IFNG-AS1: variants seen among roughly 807,000 people sequenced by gnomAD.
IFNG-AS1 encodes the protein IFNG antisense RNA 1 (non-protein coding).
chr12:68,007,790 G>A (rs1234200634), intron 3 of IFNG-AS1, among the ~76,000 whole-genome samples: 2 of 152,188 alleles, frequency 1.3e-5, no homozygotes, highest in East Asian at 1.9e-4. Flanking sequence ...TAGAAAGACA[G>A]AAGAATAGGA....
chr12:67,993,566 G>A (rs2906854), intron 1 of IFNG-AS1, among the ~76,000 whole-genome samples: 96,053 of 152,010 alleles, frequency 0.63, 30,605 homozygotes, highest in Middle Eastern at 0.7. Flanking sequence ...ATACCAAAAT[G>A]CTAACAATGA....
chr12:67,999,282 G>T (rs1275895906), intron 2 of IFNG-AS1, among the ~76,000 whole-genome samples: 1 of 152,116 alleles, frequency 6.6e-6, no homozygotes, highest in African/African-American at 2.4e-5. Flanking sequence ...TGTCTGATGA[G>T]AGGGCCTAAA....
intron 3 of IFNG-AS1, among the ~76,000 whole-genome samples, chr12:68,012,335 C>T (rs1445168506): frequency 6.6e-6 from 1 of 152,140 alleles, no homozygotes; most frequent in Admixed American, 6.5e-5. Flanking sequence ...TCTCTTCTAT[C>T]CCATTTGCAT....
intron 1 of IFNG-AS1, among the ~76,000 whole-genome samples, chr12:67,990,115 C>G (rs912684443): frequency 6.6e-6 from 1 of 152,300 alleles, no homozygotes; most frequent in East Asian, 1.9e-4. Context: ...GTAATTAAAA[C>G]TACTAATTGC....
At chr12:68,010,530 C>T (rs560718857) in intron 3 of IFNG-AS1, among the ~76,000 whole-genome samples, 5 of 152,332 alleles carry the variant, frequency 3.3e-5, no homozygotes, top group South Asian at 2.1e-4. Context: ...CTGTCCTCCC[C>T]GGTAAGCATC....
At chr12:68,012,454 C>T (rs1319027306) in intron 3 of IFNG-AS1, among the ~76,000 whole-genome samples, 1 of 152,182 alleles carries the variant, frequency 6.6e-6, no homozygotes, top group African/African-American at 2.4e-5. Context: ...ACACTATGCT[C>T]AACCAGGGGA....
intron 2 of IFNG-AS1, among the ~76,000 whole-genome samples, chr12:67,996,239 C>T (rs866232166): frequency 1.3e-5 from 2 of 152,094 alleles, no homozygotes; most frequent in Non-Finnish European, 1.5e-5. Context: ...ATCAAAATAC[C>T]GTATGATAGC....
chr12:67,999,343 C>T (rs1879714362), intron 2 of IFNG-AS1, among the ~76,000 whole-genome samples: 1 of 152,116 alleles, frequency 6.6e-6, no homozygotes, highest in Non-Finnish European at 1.5e-5. Context: ...ATCTTGCTTT[C>T]TAGATGACAT....
chr12:67,991,036 T>C (rs1384294873), intron 1 of IFNG-AS1, among the ~76,000 whole-genome samples: 2 of 152,228 alleles, frequency 1.3e-5, no homozygotes, highest in East Asian at 3.8e-4. Context: ...TTCAAACAAG[T>C]TGCTGTCCAG....
intron 1 of IFNG-AS1, among the ~76,000 whole-genome samples, chr12:67,991,067 G>A (rs570312372): frequency 6.6e-5 from 10 of 152,090 alleles, no homozygotes; most frequent in Admixed American, 4.6e-4. Flanking sequence ...ACATCCTCTC[G>A]GGACACACAC....
At chr12:68,006,948 A>T (rs1407653660) in intron 3 of IFNG-AS1, among the ~76,000 whole-genome samples, 1 of 152,258 alleles carries the variant, frequency 6.6e-6, no homozygotes, top group East Asian at 1.9e-4. Flanking sequence ...TAATAAAAGC[A>T]TGTTGTTTCA....
At chr12:67,998,972 A>G (rs1369704323) in intron 2 of IFNG-AS1, among the ~76,000 whole-genome samples, 1 of 152,198 alleles carries the variant, frequency 6.6e-6, no homozygotes, top group Non-Finnish European at 1.5e-5. Context: ...TAATATTTGG[A>G]TAACAAGAGG....
intron 1 of IFNG-AS1, among the ~76,000 whole-genome samples, chr12:67,993,158 G>T (rs533229453): frequency 1.3e-5 from 2 of 152,264 alleles, no homozygotes; most frequent in South Asian, 2.1e-4. Context: ...TTACAGAAAA[G>T]AATTTCTTTT....
At chr12:67,990,950 C>A (rs1299340724) in intron 1 of IFNG-AS1, among the ~76,000 whole-genome samples, 4 of 152,180 alleles carry the variant, frequency 2.6e-5, no homozygotes, top group African/African-American at 9.7e-5. Flanking sequence ...CTTCCACCTG[C>A]CCTATGTGGT....
intron 1 of IFNG-AS1, among the ~76,000 whole-genome samples, chr12:67,991,913 T>A (rs1219085031): frequency 6.6e-6 from 1 of 152,264 alleles, no homozygotes; most frequent in African/African-American, 2.4e-5. Context: ...AGTGTCCATA[T>A]GCTTGTCATC....
chr12:67,998,050 G>T (rs1223318778), intron 2 of IFNG-AS1, among the ~76,000 whole-genome samples: 2 of 151,776 alleles, frequency 1.3e-5, no homozygotes, highest in African/African-American at 4.8e-5. Flanking sequence ...ATGTCAAGTG[G>T]TACAAGCTTT....
chr12:67,996,299 G>A (rs1879641148), intron 2 of IFNG-AS1, among the ~76,000 whole-genome samples: 1 of 152,232 alleles, frequency 6.6e-6, no homozygotes, highest in Non-Finnish European at 1.5e-5. Flanking sequence ...CAGAGGCCAT[G>A]TGAATGAGTT....
intron 2 of IFNG-AS1, among the ~76,000 whole-genome samples, chr12:68,004,678 A>C (rs1879866874): frequency 6.6e-6 from 1 of 152,152 alleles, no homozygotes; most frequent in African/African-American, 2.4e-5. Flanking sequence ...GGGCTTCTTA[A>C]CACCAATACG....
intron 4 of IFNG-AS1, chr12:68,020,202 T>C (rs1880254595): frequency 6.6e-6 from 1 of 152,148 alleles, no homozygotes; most frequent in Non-Finnish European, 1.5e-5. Flanking sequence ...TCTTGAATCA[T>C]GACATATGAA....
Sources: gnomAD v4.1 joint callset for allele counts (sites outside exome capture counted in the v4.1 genomes callset) on GRCh38, gnomAD v4.1.1 for gene constraint, MANE v1.5 for transcripts, NCBI Gene and HGNC (gene_info 2026-07-23, HGNC 2026-07-21) for gene names.